Variants in DPP10 observed in about 807,000 individuals in gnomAD.
DPP10 encodes the protein inactive dipeptidyl peptidase 10.
DPP10 carries 33 observed loss-of-function variants against 120.9 expected under a neutral mutation model. The ratio of observed to expected loss-of-function variants is 0.27; its 90% confidence interval spans 0.21 to 0.37. DPP10 has a LOEUF of 0.37. DPP10 is among the 10% of genes least tolerant of loss of function. The probability of loss-of-function intolerance (pLI) is 1.00; values close to 1 mark genes in which losing one functional copy is unlikely to be tolerated. For missense variants in DPP10, 816 were observed against 942.8 expected, an observed-to-expected ratio of 0.87 and a Z score of 1.76; for synonymous variants, 337 against 326.1, an observed-to-expected ratio of 1.03 and a Z score of -0.36.
At chr2:114,828,584 C>A (rs182934637) in intron 1 of DPP10, 1 of 152,280 alleles carries the variant, frequency 6.6e-6, no homozygotes, top group Admixed American at 6.5e-5. Context: ...CTTCCATGAA[C>A]AAGGCACTCA....
intron 1 of DPP10, among the ~76,000 whole-genome samples, chr2:114,682,058 A>C (rs1191271366): frequency 6.6e-6 from 1 of 151,964 alleles, no homozygotes; most frequent in Non-Finnish European, 1.5e-5. Flanking sequence ...GGAAGTGCTG[A>C]AAATTAAGGC....
intron 1 of DPP10, among the ~76,000 whole-genome samples, chr2:115,301,166 C>A (rs928725243): frequency 1.3e-5 from 2 of 151,892 alleles, no homozygotes; most frequent in Non-Finnish European, 2.9e-5. Flanking sequence ...AAGAGTTTCA[C>A]CCCTGCTTCT....
At chr2:115,285,380 C>T (rs1465412123) in intron 1 of DPP10, among the ~76,000 whole-genome samples, 9 of 151,850 alleles carry the variant, frequency 5.9e-5, no homozygotes, top group African/African-American at 7.3e-5. Context: ...TAATAATGAA[C>T]GTAAAATAGG....
At chr2:115,212,479 C>T (rs1330950308) in intron 1 of DPP10, among the ~76,000 whole-genome samples, 1 of 152,094 alleles carries the variant, frequency 6.6e-6, no homozygotes, top group East Asian at 1.9e-4. Context: ...TTTTGTGGAG[C>T]ATACATCTGA....
intron 3 of DPP10, among the ~76,000 whole-genome samples, chr2:115,347,453 G>A (rs938383615): frequency 6.6e-6 from 1 of 152,016 alleles, no homozygotes; most frequent in Admixed American, 6.6e-5. Flanking sequence ...TAAATCTTAT[G>A]GTTTGCTTGG....
chr2:115,738,059 T>C (rs1575639115), intron 8 of DPP10, among the ~76,000 whole-genome samples: 1 of 152,208 alleles, frequency 6.6e-6, no homozygotes, highest in African/African-American at 2.4e-5. Flanking sequence ...ATTTATAAGA[T>C]TGGCCAAGAA....
intron 5 of DPP10, among the ~76,000 whole-genome samples, chr2:115,534,644 T>A (rs2078691615): frequency 6.6e-6 from 1 of 151,916 alleles, no homozygotes; most frequent in Non-Finnish European, 1.5e-5. Context: ...GATGGCTGGA[T>A]CAAATGGTAT....
At chr2:115,540,477 T>C (rs536901405) in intron 5 of DPP10, among the ~76,000 whole-genome samples, 3 of 152,004 alleles carry the variant, frequency 2.0e-5, no homozygotes, top group Admixed American at 2.0e-4. Flanking sequence ...GGAGAAAATA[T>C]GCATTTTCTG....
intron 3 of DPP10, among the ~76,000 whole-genome samples, chr2:115,402,961 A>G (rs2068214814): frequency 6.8e-6 from 1 of 146,882 alleles, no homozygotes; most frequent in South Asian, 2.1e-4. Flanking sequence ...ATATATATAT[A>G]TATGTATATA....
intron 1 of DPP10, among the ~76,000 whole-genome samples, chr2:115,165,850 G>A (rs2052796829): frequency 6.6e-6 from 1 of 152,120 alleles, no homozygotes; most frequent in South Asian, 2.1e-4. Flanking sequence ...CCACTTTTTA[G>A]AGTATGACTA....
At chr2:114,863,175 GGTATT>G (rs1689962234) in intron 1 of DPP10, among the ~76,000 whole-genome samples, 1 of 152,280 alleles carries the variant, frequency 6.6e-6, no homozygotes, top group South Asian at 2.1e-4. Context: ...CCTTGAAACA[GGTATT>G]CCATGCCTTG....
chr2:115,413,518 G>A (rs1229863549), intron 3 of DPP10, among the ~76,000 whole-genome samples: 1 of 151,918 alleles, frequency 6.6e-6, no homozygotes, highest in East Asian at 1.9e-4. Flanking sequence ...TTAATGCTCT[G>A]CAATTTAAAA....
At chr2:114,507,050 C>CTTTTTTTTTTT (rs1227607834) in intron 1 of DPP10, among the ~76,000 whole-genome samples, 10 of 124,742 alleles carry the variant, frequency 8.0e-5, no homozygotes, top group Non-Finnish European at 1.0e-4. Context: ...CTTTTTTTTT[C>CTTTTTTTTTTT]TTTTTTTTTT....
intron 1 of DPP10, among the ~76,000 whole-genome samples, chr2:115,003,414 C>T (rs1479320849): frequency 6.6e-6 from 1 of 151,950 alleles, no homozygotes; most frequent in South Asian, 2.1e-4. Context: ...TTATTGGGTA[C>T]TATGCTCATT....
At chr2:114,557,465 C>A (rs1056774362) in intron 1 of DPP10, among the ~76,000 whole-genome samples, 7 of 152,190 alleles carry the variant, frequency 4.6e-5, no homozygotes, top group African/African-American at 1.4e-4. Flanking sequence ...CATCTTTCCA[C>A]ATAAATGGCT....
chr2:114,866,148 T>TAAATAAATAAAC (rs1325415816), intron 1 of DPP10, among the ~76,000 whole-genome samples: 3 of 150,288 alleles, frequency 2.0e-5, no homozygotes, highest in African/African-American at 2.5e-5. Flanking sequence ...AATAAATAAA[T>TAAATAAATAAAC]AAACTTATAT....
rs1037397772 is a variant in DPP10, at chr2:115,378,669, G to T, written c.271+34757G>T. On this transcript the variant is annotated intron_variant, in intron 3 of 25. Transcript: ENST00000410059. Reference sequence around the variant, plus strand: ...AATGCTTCCAGTTTTTGCCCATTCAGTATGATATTGGCTGTGGGTTTGTCA... The same window carrying T: ...AATGCTTCCAGTTTTTGCCCATTCATTATGATATTGGCTGTGGGTTTGTCA... Among the ~76,000 whole-genome samples the T allele has an allele frequency of 1.3e-4, 20 of 151,922 alleles. No homozygotes were observed. In the East Asian group the frequency reaches 3.9e-3, roughly 29 times the overall value.
At chr2:114,609,947 C>T (rs923608914) in intron 1 of DPP10, among the ~76,000 whole-genome samples, 4 of 152,182 alleles carry the variant, frequency 2.6e-5, no homozygotes, top group Admixed American at 2.0e-4. Context: ...TCACCTCTCA[C>T]GCACAATAGA....
chr2:114,601,032 T>C (rs1238746824), intron 1 of DPP10, among the ~76,000 whole-genome samples: 1 of 151,920 alleles, frequency 6.6e-6, no homozygotes, highest in East Asian at 1.9e-4. Flanking sequence ...TAGAAGGCTG[T>C]GCTGTAGCAA....
Sources: gnomAD v4.1 joint callset for allele counts (sites outside exome capture counted in the v4.1 genomes callset) on GRCh38, gnomAD v4.1.1 for gene constraint, MANE v1.5 for transcripts, NCBI Gene and HGNC (gene_info 2026-07-23, HGNC 2026-07-21) for gene names.